Variants in MDGA2 observed in about 807,000 individuals in gnomAD.
The protein encoded by MDGA2 is MAM domain-containing glycosylphosphatidylinositol anchor protein 2.
MDGA2 carries 40 observed loss-of-function variants against 117.8 expected under a neutral mutation model. The observed-to-expected ratio is 0.34, with a 90% confidence interval of 0.26 to 0.44. MDGA2 has a LOEUF of 0.44. Ranked by LOEUF, MDGA2 falls within the 20% of genes least tolerant of loss-of-function variation. The probability of loss-of-function intolerance (pLI) is 1.00; values close to 1 mark genes in which losing one functional copy is unlikely to be tolerated. For synonymous variants in MDGA2, 452 were observed against 439.0 expected (o/e 1.03, Z -0.37); for missense variants, 1,123 against 1,250.6 (o/e 0.90, Z 1.54).
chr14:47,260,299 T>C (rs903448379), intron 2 of MDGA2, among the ~76,000 whole-genome samples: 2 of 152,122 alleles, frequency 1.3e-5, no homozygotes, highest in African/African-American at 4.8e-5. Flanking sequence ...CTCTCTGAGA[T>C]ACCCTAGCAC....
chr14:47,083,249 AAC>A (rs1359230156), intron 6 of MDGA2, among the ~76,000 whole-genome samples: 1 of 152,060 alleles, frequency 6.6e-6, no homozygotes, highest in Non-Finnish European at 1.5e-5. Flanking sequence ...AAGCACAATA[AAC>A]ACACAAAAAA....
chr14:47,274,277 TTA>T (rs1202785483), intron 2 of MDGA2, among the ~76,000 whole-genome samples: 2 of 152,146 alleles, frequency 1.3e-5, no homozygotes, highest in Non-Finnish European at 2.9e-5. Flanking sequence ...ACTATTTACT[TTA>T]TGTCTGTATG....
intron 1 of MDGA2, among the ~76,000 whole-genome samples, chr14:47,555,186 C>A (rs1016629722): frequency 6.6e-6 from 1 of 152,234 alleles, no homozygotes. Flanking sequence ...AAATATCTCT[C>A]CAATATTTTT....
chr14:47,665,062 G>A (rs1031734979), intron 1 of MDGA2, among the ~76,000 whole-genome samples: 3 of 152,108 alleles, frequency 2.0e-5, no homozygotes, highest in African/African-American at 4.8e-5. Context: ...AGAAATTGCT[G>A]AGGCTTTATT....
chr14:47,040,536 C>T (rs981049825), intron 7 of MDGA2, among the ~76,000 whole-genome samples: 45 of 152,108 alleles, frequency 3.0e-4, no homozygotes, highest in African/African-American at 1.0e-3. Context: ...CTGAGAAATG[C>T]TCTTCCAAAA....
chr14:47,131,945 T>C, intron 4 of MDGA2, 99 bp from the exon 5 acceptor site: 1 of 970,702 alleles, frequency 1.0e-6, no homozygotes, highest in Middle Eastern at 3.0e-4. Flanking sequence ...AATCATATTA[T>C]TATCAGAATA....
intron 3 of MDGA2, among the ~76,000 whole-genome samples, chr14:47,172,702 A>C: frequency 6.6e-6 from 1 of 152,090 alleles, no homozygotes; most frequent in East Asian, 1.9e-4. Flanking sequence ...ATGGGGAAAA[A>C]ACAGAGCAGA....
At chr14:47,472,559 T>C (rs752814670) in intron 1 of MDGA2, among the ~76,000 whole-genome samples, 4 of 152,108 alleles carry the variant, frequency 2.6e-5, no homozygotes, top group Non-Finnish European at 4.4e-5. Flanking sequence ...CACGACAAGG[T>C]AATGTAGGTT....
At chr14:47,404,848 G>A (rs1047850904) in intron 1 of MDGA2, among the ~76,000 whole-genome samples, 2 of 151,998 alleles carry the variant, frequency 1.3e-5, no homozygotes, top group Non-Finnish European at 2.9e-5. Context: ...CTTATTTTGA[G>A]GGAGTGATTA....
intron 1 of MDGA2, among the ~76,000 whole-genome samples, chr14:47,376,952 C>T (rs1330034287): frequency 6.6e-6 from 1 of 151,972 alleles, no homozygotes; most frequent in African/African-American, 2.4e-5. Context: ...AATAAGAGTG[C>T]TGGTGGACTA....
At chr14:47,639,797 T>C (rs1897389668) in intron 1 of MDGA2, among the ~76,000 whole-genome samples, 1 of 152,148 alleles carries the variant, frequency 6.6e-6, no homozygotes, top group Admixed American at 6.6e-5. Context: ...TGTATAAGAC[T>C]CCACATGTGC....
intron 1 of MDGA2, among the ~76,000 whole-genome samples, chr14:47,493,195 T>G (rs904694192): frequency 1.3e-5 from 2 of 151,514 alleles, no homozygotes; most frequent in African/African-American, 4.8e-5. Context: ...AGCCATCCAG[T>G]TATTCCCCAT....
At chr14:47,441,547 T>A (rs1893011429) in intron 1 of MDGA2, among the ~76,000 whole-genome samples, 1 of 152,174 alleles carries the variant, frequency 6.6e-6, no homozygotes, top group African/African-American at 2.4e-5. Flanking sequence ...AAAATAAGTA[T>A]ATAAATAAAT....
intron 1 of MDGA2, among the ~76,000 whole-genome samples, chr14:47,508,352 A>ACACTCTCTCTCTCTCTCTCTCT (rs149881110): frequency 1.2e-4 from 16 of 132,762 alleles, no homozygotes; most frequent in African/African-American, 4.4e-4. Context: ...TTGCTGATTG[A>ACACTCTCTCTCTCTCTCTCTCT]CTCTCTCTCT....
chr14:46,897,572 C>T (rs1415628758), intron 10 of MDGA2, among the ~76,000 whole-genome samples: 2 of 133,434 alleles, frequency 1.5e-5, no homozygotes, highest in Admixed American at 1.6e-4. Context: ...ATGTTAAAGT[C>T]TAACCTATAC....
chr14:47,130,868 C>T (rs1047690681), intron 5 of MDGA2, among the ~76,000 whole-genome samples: 4 of 152,042 alleles, frequency 2.6e-5, no homozygotes, highest in African/African-American at 9.7e-5. Context: ...CTTTAAAAAT[C>T]TTTAGTCTAA....
At chr14:46,912,635 T>C (rs1227495534) in intron 10 of MDGA2, among the ~76,000 whole-genome samples, 1 of 152,196 alleles carries the variant, frequency 6.6e-6, no homozygotes, top group Non-Finnish European at 1.5e-5. Context: ...AGGTTGCTTG[T>C]TTCCTCCACG....
At chr14:47,432,140 GT>G (rs11298118) in intron 1 of MDGA2, among the ~76,000 whole-genome samples, 37,038 of 151,838 alleles carry the variant, frequency 0.24, 4,813 homozygotes, top group Middle Eastern at 0.41. Context: ...AGCTCTGATT[GT>G]TTTTTTAAAG....
At chr14:46,993,458 T>TG (rs5808371) in intron 8 of MDGA2, among the ~76,000 whole-genome samples, 36,760 of 149,000 alleles carry the variant, frequency 0.25, 4,692 homozygotes, top group Non-Finnish European at 0.29. Context: ...TCTATTTTTT[T>TG]GGGGGGGACT....
Sources: gnomAD v4.1 joint callset for allele counts (sites outside exome capture counted in the v4.1 genomes callset) on GRCh38, gnomAD v4.1.1 for gene constraint, MANE v1.5 for transcripts, NCBI Gene and HGNC (gene_info 2026-07-23, HGNC 2026-07-21) for gene names.